GLIS3: variants seen among roughly 807,000 people sequenced by gnomAD.
The protein encoded by GLIS3 is GLIS family zinc finger 3, also known as zinc finger protein GLIS3.
GLIS3 carries 53 observed loss-of-function variants against 78.6 expected under a neutral mutation model. The ratio of observed to expected loss-of-function variants is 0.67; its 90% CI spans 0.54 to 0.85. The LOEUF (loss-of-function observed/expected upper bound fraction) is 0.85. Among genes scored for constraint, GLIS3 ranks in the 40% least tolerant of loss-of-function variants. GLIS3 has a pLI of 0.00. For synonymous variants in GLIS3, 684 were observed against 509.9 expected, an observed-to-expected ratio of 1.34 and a Z score of -4.60; for missense variants, 1,703 against 1,231.1, an observed-to-expected ratio of 1.38 and a Z score of -5.74.
In GLIS3 at chr9:3,977,277, T is replaced by C. The variant is rs932724380; in HGVS notation, c.1711-40088A>G. On this transcript the variant is annotated intron_variant, in intron 4 of 10. Transcript: ENST00000381971. This position sits in a 1 kb window ranked among gnomAD's most constrained non-coding sequence, Gnocchi z 4.1. The stretch of plus-strand genomic sequence containing the variant: ...GATCCACATTTTATACACCAAGCAA[T>C]GTTTAAAATGTAAGGACCGAGAGGA... 2.0e-5 allele frequency among the ~76,000 whole-genome samples: 3 copies of C among 152,186 alleles called. No homozygotes were observed. The highest frequency in any genetic ancestry group is 4.8e-5 in the African/African-American group (2 of 41,446).
At chr9:4,065,707 A>T (rs910362382) in intron 4 of GLIS3, among the ~76,000 whole-genome samples, 1 of 152,210 alleles carries the variant, frequency 6.6e-6, no homozygotes, top group East Asian at 1.9e-4. Flanking sequence ...TAAACTGACA[A>T]GCATAGAATT....
chr9:4,396,215 C>T, the GLIS3 span, among the ~76,000 whole-genome samples: 11 of 151,852 alleles, frequency 7.2e-5, no homozygotes, highest in Non-Finnish European at 1.3e-4. Flanking sequence ...GGGGTTTAAG[C>T]GATTCTTCTG....
chr9:4,025,794 G>C (rs988159419), intron 4 of GLIS3, among the ~76,000 whole-genome samples: 1 of 152,150 alleles, frequency 6.6e-6, no homozygotes. Context: ...CAACTCAAAA[G>C]AAAATATTCA....
chr9:4,323,475 A>C (rs186557938), intron 2 of GLIS3, among the ~76,000 whole-genome samples: 1 of 152,098 alleles, frequency 6.6e-6, no homozygotes, highest in Non-Finnish European at 1.5e-5. Context: ...GGATTCATTC[A>C]TTTATATTAC....
At chr9:4,449,537 C>A in the GLIS3 span, among the ~76,000 whole-genome samples, 13 of 152,174 alleles carry the variant, frequency 8.5e-5, no homozygotes, top group African/African-American at 2.9e-4. Context: ...CCCTGACCCC[C>A]GTGTAGCCTA....
At chr9:4,151,496 A>C (rs1478189725) in intron 2 of GLIS3, among the ~76,000 whole-genome samples, 1 of 152,218 alleles carries the variant, frequency 6.6e-6, no homozygotes, top group Non-Finnish European at 1.5e-5. Context: ...GGAAAGTCTA[A>C]TTTAAGCATA....
At chr9:4,468,635 G>A in the GLIS3 span, among the ~76,000 whole-genome samples, 1 of 152,164 alleles carries the variant, frequency 6.6e-6, no homozygotes, top group African/African-American at 2.4e-5. Context: ...CCTGAAGGAA[G>A]CACTAAACGT....
the GLIS3 span, among the ~76,000 whole-genome samples, chr9:4,412,004 A>G: frequency 6.6e-6 from 1 of 152,260 alleles, no homozygotes; most frequent in African/African-American, 2.4e-5. Flanking sequence ...ACAGCACACA[A>G]TCTTAACATG....
intron 4 of GLIS3, chr9:4,305,808 C>T (rs1328744387): frequency 6.6e-6 from 1 of 152,180 alleles, no homozygotes; most frequent in Non-Finnish European, 1.5e-5. Context: ...ACAGAAGGCT[C>T]ACACTTGGTG....
intron 4 of GLIS3, among the ~76,000 whole-genome samples, chr9:3,999,835 G>A (rs1821005266): frequency 6.6e-6 from 1 of 152,084 alleles, no homozygotes; most frequent in Non-Finnish European, 1.5e-5. Flanking sequence ...ACAGAGCTGG[G>A]GGACTTGCCC....
chr9:3,985,560 G>C (rs1411466031), intron 4 of GLIS3, among the ~76,000 whole-genome samples: 1 of 152,208 alleles, frequency 6.6e-6, no homozygotes, highest in Non-Finnish European at 1.5e-5. Flanking sequence ...CCAGAAAGCA[G>C]ATGTTTGCTC....
At chr9:4,157,750 G>C (rs1466599990) in intron 2 of GLIS3, among the ~76,000 whole-genome samples, 1 of 152,120 alleles carries the variant, frequency 6.6e-6, no homozygotes, top group African/African-American at 2.4e-5. Flanking sequence ...CATATGAGGA[G>C]CATGTTATCC....
At chr9:4,116,105 C>T (rs530592922) in intron 4 of GLIS3, among the ~76,000 whole-genome samples, 5 of 152,276 alleles carry the variant, frequency 3.3e-5, no homozygotes, top group South Asian at 4.1e-4. Context: ...ATGGGGAAAT[C>T]CTATTGCACA....
chr9:4,161,514 A>G (rs1248785018), intron 2 of GLIS3, among the ~76,000 whole-genome samples: 1 of 151,974 alleles, frequency 6.6e-6, no homozygotes, highest in Non-Finnish European at 1.5e-5. Context: ...GTCAGTGTCT[A>G]CTTGTCTCTC....
chr9:4,162,963 C>A (rs185237295), intron 2 of GLIS3, among the ~76,000 whole-genome samples: 58 of 150,794 alleles, frequency 3.8e-4, no homozygotes, highest in Admixed American at 1.2e-3. Context: ...CTGAACTAAT[C>A]TCTTCTCTGG....
chr9:4,108,990 T>C (rs1376130628), intron 4 of GLIS3, among the ~76,000 whole-genome samples: 1 of 152,180 alleles, frequency 6.6e-6, no homozygotes, highest in Non-Finnish European at 1.5e-5. Flanking sequence ...TCATGCTGCC[T>C]TCCCCGGTCT....
chr9:4,425,678 T>G, the GLIS3 span, among the ~76,000 whole-genome samples: 1 of 152,194 alleles, frequency 6.6e-6, no homozygotes, highest in Non-Finnish European at 1.5e-5. Context: ...GTAAACCTCC[T>G]GGGACAGAAG....
At chr9:3,979,200 A>C (rs1819039627) in intron 4 of GLIS3, among the ~76,000 whole-genome samples, 1 of 152,140 alleles carries the variant, frequency 6.6e-6, no homozygotes, top group African/African-American at 2.4e-5. Flanking sequence ...ACCTGTTACT[A>C]CCACTTTCAC....
chr9:3,916,246 C>T (rs746052674), intron 6 of GLIS3, among the ~76,000 whole-genome samples: 5 of 152,154 alleles, frequency 3.3e-5, no homozygotes, highest in Non-Finnish European at 5.9e-5. Flanking sequence ...GAAATACGGG[C>T]GACTTAATTT....
Sources: allele counts gnomAD v4.1 joint callset (sites outside exome capture counted in the v4.1 genomes callset), GRCh38; gene constraint gnomAD v4.1.1; non-coding constraint Gnocchi (gnomAD v3.1); transcripts MANE v1.5; gene names NCBI Gene and HGNC (gene_info 2026-07-23, HGNC 2026-07-21).